Variants in PTPRD observed in about 807,000 individuals in gnomAD.
The protein encoded by PTPRD is receptor-type tyrosine-protein phosphatase delta.
In PTPRD, 34 loss-of-function variants were observed where a neutral mutation model predicts 214.5. The ratio of observed to expected loss-of-function variants is 0.16; its 90% confidence interval spans 0.12 to 0.21. PTPRD has a LOEUF of 0.21. Ranked by LOEUF, PTPRD falls within the 10% of genes least tolerant of loss-of-function variation. The pLI is 1.00. For missense variants in PTPRD, 2,545 were observed against 2,398.7 expected, an observed-to-expected ratio of 1.06 and a Z score of -1.27; for synonymous variants, 1,128 against 845.7, an observed-to-expected ratio of 1.33 and a Z score of -5.79.
chr9:9,295,167 G>T (rs1054664616), intron 9 of PTPRD, among the ~76,000 whole-genome samples: 2 of 151,644 alleles, frequency 1.3e-5, no homozygotes, highest in African/African-American at 4.8e-5. Context: ...CAGATTTCAG[G>T]GGAAGAATCT....
At chr9:8,446,467 G>A (rs912541317) in intron 34 of PTPRD, among the ~76,000 whole-genome samples, 1 of 152,154 alleles carries the variant, frequency 6.6e-6, no homozygotes, top group African/African-American at 2.4e-5. Flanking sequence ...CGTAATGTTT[G>A]TTTGCTATTT....
At chr9:9,074,417 G>C (rs1306301509) in intron 10 of PTPRD, among the ~76,000 whole-genome samples, 1 of 152,058 alleles carries the variant, frequency 6.6e-6, no homozygotes, top group Admixed American at 6.6e-5. Context: ...CACTAAAACA[G>C]ATTTTCAACA....
chr9:10,518,141 T>G (rs545567836), intron 2 of PTPRD, among the ~76,000 whole-genome samples: 1 of 152,322 alleles, frequency 6.6e-6, no homozygotes, highest in African/African-American at 2.4e-5. Flanking sequence ...TGTTATTGAA[T>G]ACCTGTGTAC....
chr9:9,677,133 T>G (rs1357751443), intron 7 of PTPRD, among the ~76,000 whole-genome samples: 1 of 152,160 alleles, frequency 6.6e-6, no homozygotes, highest in Non-Finnish European at 1.5e-5. Context: ...TTAGTTTAAT[T>G]AGATCCCATT....
At chr9:9,387,663 A>C (rs1236375820) in intron 9 of PTPRD, among the ~76,000 whole-genome samples, 1 of 152,090 alleles carries the variant, frequency 6.6e-6, no homozygotes, top group Non-Finnish European at 1.5e-5. Flanking sequence ...TGAAAGTGAT[A>C]GTACATGCTA....
chr9:8,321,517 ATATATATAT>A (rs1563891852), intron 44 of PTPRD, among the ~76,000 whole-genome samples: 5 of 131,362 alleles, frequency 3.8e-5, no homozygotes, highest in East Asian at 2.1e-4. Context: ...ATATATATAT[ATATATATAT>A]AAAAGGTATA....
intron 3 of PTPRD, among the ~76,000 whole-genome samples, chr9:10,194,702 C>G (rs2099390590): frequency 6.6e-6 from 1 of 151,830 alleles, no homozygotes; most frequent in Non-Finnish European, 1.5e-5. Context: ...TTACAATGTT[C>G]AAAGAACGTG....
At chr9:8,652,239 C>T (rs2096827419) in intron 12 of PTPRD, among the ~76,000 whole-genome samples, 1 of 152,168 alleles carries the variant, frequency 6.6e-6, no homozygotes, top group Non-Finnish European at 1.5e-5. Context: ...TAAACTGAAA[C>T]ACTTCTGGTG....
chr9:10,166,133 CTA>C (rs889690331), intron 3 of PTPRD, among the ~76,000 whole-genome samples: 6 of 148,364 alleles, frequency 4.0e-5, no homozygotes, highest in African/African-American at 1.5e-4. Context: ...ATACATAAAC[CTA>C]TGTTTTAAAA....
chr9:8,706,615 G>A (rs560782824), intron 12 of PTPRD, among the ~76,000 whole-genome samples: 9 of 152,234 alleles, frequency 5.9e-5, no homozygotes, highest in Middle Eastern at 3.4e-3. Context: ...AAAAAAAAGC[G>A]CTCATCTCAG....
chr9:8,774,655 C>T (rs746484979), intron 11 of PTPRD, among the ~76,000 whole-genome samples: 4 of 151,578 alleles, frequency 2.6e-5, no homozygotes. Flanking sequence ...CTGCCTCAGC[C>T]TCCCGAGTAG....
At chr9:9,755,114 C>G (rs1287263853) in intron 6 of PTPRD, among the ~76,000 whole-genome samples, 1 of 151,864 alleles carries the variant, frequency 6.6e-6, no homozygotes, top group Non-Finnish European at 1.5e-5. Context: ...AACAAGATCT[C>G]CAGATGATTC....
At chr9:10,052,313 T>C (rs2097548753) in intron 3 of PTPRD, among the ~76,000 whole-genome samples, 1 of 152,122 alleles carries the variant, frequency 6.6e-6, no homozygotes, top group South Asian at 2.1e-4. Flanking sequence ...GATGAGCTCA[T>C]TCAAACACTG....
intron 9 of PTPRD, among the ~76,000 whole-genome samples, chr9:9,395,289 A>T (rs2067374523): frequency 6.6e-6 from 1 of 152,084 alleles, no homozygotes; most frequent in African/African-American, 2.4e-5. Flanking sequence ...TGAAAATGTA[A>T]AATTTCAGGC....
intron 39 of PTPRD, among the ~76,000 whole-genome samples, chr9:8,353,939 TATATATATA>T (rs1227307711): frequency 3.8e-4 from 3 of 7,974 alleles, no homozygotes; most frequent in Non-Finnish European, 1.1e-3. Context: ...TGTGTGTACA[TATATATATA>T]TATATATATA....
chr9:9,945,929 A>G (rs887018239), intron 4 of PTPRD, among the ~76,000 whole-genome samples: 1 of 152,194 alleles, frequency 6.6e-6, no homozygotes, highest in Non-Finnish European at 1.5e-5. Flanking sequence ...GTAAATAACC[A>G]AAGAACTATT....
intron 6 of PTPRD, among the ~76,000 whole-genome samples, chr9:9,765,641 A>C (rs1465260975): frequency 6.6e-6 from 1 of 152,144 alleles, no homozygotes; most frequent in Admixed American, 6.5e-5. Context: ...CCTAATCCTG[A>C]AGCTTACGTA....
chr9:9,235,089 G>A (rs1365448352), intron 9 of PTPRD, among the ~76,000 whole-genome samples: 1 of 152,156 alleles, frequency 6.6e-6, no homozygotes, highest in East Asian at 1.9e-4. Context: ...GGCTGGGGAG[G>A]CCTCAGGAAA....
At chr9:8,369,405 A>G (rs1426895783) in intron 39 of PTPRD, among the ~76,000 whole-genome samples, 1 of 151,936 alleles carries the variant, frequency 6.6e-6, no homozygotes, top group Non-Finnish European at 1.5e-5. Context: ...TGCAAAGTCA[A>G]AAAGTATTAT....
Sources: gnomAD v4.1 joint callset for allele counts (sites outside exome capture counted in the v4.1 genomes callset) on GRCh38, gnomAD v4.1.1 for gene constraint, MANE v1.5 for transcripts, NCBI Gene and HGNC (gene_info 2026-07-23, HGNC 2026-07-21) for gene names.